Variants in COL25A1 observed in about 807,000 individuals in gnomAD.
The protein encoded by COL25A1 is collagen type XXV alpha 1 chain.
COL25A1 carries 103 observed loss-of-function variants against 128.4 expected under a neutral mutation model. The ratio of observed to expected loss-of-function variants is 0.80; its 90% CI spans 0.68 to 0.94. The LOEUF (loss-of-function observed/expected upper bound fraction) is 0.94, where lower values mean the gene tolerates loss of function less well. Ranked by LOEUF, COL25A1 falls within the 40% of genes least tolerant of loss-of-function variation. The probability of loss-of-function intolerance (pLI) is 0.00; values close to 1 mark genes in which losing one functional copy is unlikely to be tolerated. For missense variants in COL25A1, 745 were observed against 840.0 expected (o/e 0.89, Z 1.40); for synonymous variants, 279 against 277.2 (o/e 1.01, Z -0.06).
chr4:109,179,997 G>T lies in COL25A1; in HGVS notation c.367+120586C>A, dbSNP rs137902501. 4.8e-3 allele frequency among the ~76,000 whole-genome samples: 723 copies of T among 152,208 alleles called. 8 individuals are homozygous for T. Among genetic ancestry groups the T allele is most frequent in the Middle Eastern group, 0.017 (5 of 294 alleles). On this transcript the variant is annotated intron_variant, in intron 3 of 37. Transcript: ENST00000399132. ...AGTGCAGTAAGCACCATGTGGTTTGGGTAAAATGTTAACACTCTGCTTCTA... is the reference window on the plus strand; with the variant it reads ...AGTGCAGTAAGCACCATGTGGTTTGTGTAAAATGTTAACACTCTGCTTCTA...
At chr4:109,038,177 C>A (rs1450109941) in intron 5 of COL25A1, among the ~76,000 whole-genome samples, 1 of 152,160 alleles carries the variant, frequency 6.6e-6, no homozygotes, top group Non-Finnish European at 1.5e-5. Flanking sequence ...TGGACAAATA[C>A]TAGTCTAGAT....
At chr4:108,984,513 G>A (rs1299508282) in intron 6 of COL25A1, among the ~76,000 whole-genome samples, 1 of 152,190 alleles carries the variant, frequency 6.6e-6, no homozygotes, top group Non-Finnish European at 1.5e-5. Flanking sequence ...CACGCATGGC[G>A]GGCTGCAGGT....
chr4:109,067,555 G>A (rs572110555), intron 3 of COL25A1, among the ~76,000 whole-genome samples: 81 of 152,270 alleles, frequency 5.3e-4, no homozygotes, highest in African/African-American at 1.8e-3. Flanking sequence ...TTGTTTCATC[G>A]TGTTGGGGAA....
At chr4:108,854,605 G>A (rs1736237236) in intron 24 of COL25A1, among the ~76,000 whole-genome samples, 2 of 152,018 alleles carry the variant, frequency 1.3e-5, no homozygotes, top group African/African-American at 4.8e-5. Flanking sequence ...ACAAACATAT[G>A]AAAAAAAGCT....
At chr4:109,107,338 T>A (rs995215146) in intron 3 of COL25A1, among the ~76,000 whole-genome samples, 4 of 152,186 alleles carry the variant, frequency 2.6e-5, no homozygotes, top group Non-Finnish European at 5.9e-5. Context: ...TTCCACAAAA[T>A]CTGTATTTAC....
chr4:109,041,316 AT>A (rs1419781601), intron 5 of COL25A1, among the ~76,000 whole-genome samples: 1 of 152,098 alleles, frequency 6.6e-6, no homozygotes, highest in Non-Finnish European at 1.5e-5. Context: ...ATGACCTGCC[AT>A]TAATACTTTT....
chr4:108,955,518 T>C (rs931770044), intron 8 of COL25A1, among the ~76,000 whole-genome samples: 1 of 152,164 alleles, frequency 6.6e-6, no homozygotes, highest in Admixed American at 6.6e-5. Context: ...CTATTCTTTG[T>C]AGGATTTCCT....
At chr4:109,178,748 T>C (rs568030300) in intron 3 of COL25A1, among the ~76,000 whole-genome samples, 12 of 143,044 alleles carry the variant, frequency 8.4e-5, no homozygotes, top group African/African-American at 2.9e-4. Flanking sequence ...GGCAGGAGAA[T>C]GGCGTGAACC....
chr4:109,000,817 A>G (rs1357408367), intron 6 of COL25A1, among the ~76,000 whole-genome samples: 1 of 143,234 alleles, frequency 7.0e-6, no homozygotes, highest in African/African-American at 2.5e-5. Context: ...AAAAGGGAGA[A>G]ATTACATTTA....
rs190541677 is a variant in COL25A1, at chr4:108,980,673, G to A, written c.439-6114C>T. ...CCCTCAGAAGCCACAATTCTTCCGTGTTAACTTCTGAATAGAGGAAACCTT... is the reference window on the plus strand; with the variant it reads ...CCCTCAGAAGCCACAATTCTTCCGTATTAACTTCTGAATAGAGGAAACCTT... On this transcript the variant is annotated intron_variant, in intron 6 of 37. Transcript: ENST00000399132. Among the ~76,000 whole-genome samples the A allele has an allele frequency of 9.1e-4, 138 of 152,190 alleles. 2 individuals are homozygous for A. Among genetic ancestry groups the A allele is most frequent in the Non-Finnish European group, 2.8e-4 (19 of 68,042 alleles).
chr4:109,200,760 C>A (rs1280389239), intron 3 of COL25A1, among the ~76,000 whole-genome samples: 2 of 152,134 alleles, frequency 1.3e-5, no homozygotes, highest in Non-Finnish European at 2.9e-5. Flanking sequence ...CCTCTCCTAA[C>A]ATGAATCTTC....
chr4:109,100,119 T>C lies in COL25A1; in HGVS notation c.368-49940A>G, dbSNP rs72885180. On this transcript the variant is annotated intron_variant, in intron 3 of 37. Transcript: ENST00000399132. ...TGCTGTAGGAGTGGAAATGGTGCAA[T>C]TTTTCTGAAGGTCAGTTTAGTAACT... Among the ~76,000 whole-genome samples, 530 of 152,238 alleles carry C rather than the reference T, an allele frequency of 3.5e-3. 3 individuals are homozygous for C. The highest frequency in any genetic ancestry group is 0.012 in the African/African-American group (507 of 41,550).
intron 3 of COL25A1, among the ~76,000 whole-genome samples, chr4:109,295,545 G>A (rs1724892791): frequency 6.6e-6 from 1 of 151,934 alleles, no homozygotes; most frequent in South Asian, 2.1e-4. Context: ...CCCCTTACTT[G>A]ATGCACTCTT....
chr4:109,279,010 C>T (rs1723104416), intron 3 of COL25A1, among the ~76,000 whole-genome samples: 1 of 151,764 alleles, frequency 6.6e-6, no homozygotes, highest in Non-Finnish European at 1.5e-5. Flanking sequence ...GGGCACTAAT[C>T]CAATTTATCT....
intron 18 of COL25A1, among the ~76,000 whole-genome samples, chr4:108,888,342 T>C (rs1741067585): frequency 6.6e-6 from 1 of 152,198 alleles, no homozygotes; most frequent in Non-Finnish European, 1.5e-5. Flanking sequence ...TAGGTAAATT[T>C]TATTTTTCTA....
At chr4:109,105,659 A>G (rs942008284) in intron 3 of COL25A1, among the ~76,000 whole-genome samples, 4 of 152,222 alleles carry the variant, frequency 2.6e-5, no homozygotes, top group Non-Finnish European at 5.9e-5. Flanking sequence ...AAGTGGATAA[A>G]TAAGGCTTCA....
chr4:108,902,885 G>A (rs971137935), intron 13 of COL25A1, among the ~76,000 whole-genome samples: 1 of 151,940 alleles, frequency 6.6e-6, no homozygotes, highest in Non-Finnish European at 1.5e-5. Context: ...TGAAAAAGGA[G>A]TATCATTTAC....
At chr4:109,086,098 C>T (rs948480427) in intron 3 of COL25A1, among the ~76,000 whole-genome samples, 1 of 152,190 alleles carries the variant, frequency 6.6e-6, no homozygotes, top group Non-Finnish European at 1.5e-5. Context: ...GCCAAAGAAG[C>T]TCCCAGTACT....
intron 10 of COL25A1, among the ~76,000 whole-genome samples, chr4:108,938,886 T>C (rs1747751064): frequency 6.6e-6 from 1 of 152,158 alleles, no homozygotes; most frequent in African/African-American, 2.4e-5. Flanking sequence ...CTAGCAGTCA[T>C]CATAGTATAT....
Sources: gnomAD v4.1 joint callset for allele counts (sites outside exome capture counted in the v4.1 genomes callset) on GRCh38, gnomAD v4.1.1 for gene constraint, MANE v1.5 for transcripts, NCBI Gene and HGNC (gene_info 2026-07-23, HGNC 2026-07-21) for gene names.